The following MMS22L variants were observed in gnomAD, a reference collection of about 807,000 sequenced individuals.
MMS22L encodes the protein protein MMS22-like.
Under a neutral mutation model 159.1 loss-of-function variants are expected in MMS22L, and 74 were observed. That is an observed-to-expected ratio of 0.47 (90% CI 0.39 to 0.56). The LOEUF (loss-of-function observed/expected upper bound fraction) is 0.56. Among genes scored for constraint, MMS22L ranks in the 20% least tolerant of loss-of-function variants. The pLI, the probability that MMS22L is intolerant of heterozygous loss-of-function variation, is 0.00. For synonymous variants in MMS22L, 517 were observed against 506.9 expected (o/e 1.02, Z -0.27); for missense variants, 1,351 against 1,422.1 (o/e 0.95, Z 0.80).
Position 97,217,203 on chromosome 6 carries a change from G to C in MMS22L, c.2039+11691C>G, listed in dbSNP as rs1020217062. On this transcript the variant is annotated intron_variant, in intron 14 of 24. Transcript: ENST00000683635. ...TATTCTATGCTTCTTGAAAGTAGGA[G>C]TAATCTTGTAAAAAATCTAATATAT... Among the ~76,000 whole-genome samples the C allele has an allele frequency of 2.0e-5, 3 of 152,096 alleles. No individual in the cohort carries two copies. In the East Asian group the frequency reaches 5.8e-4, roughly 29 times the overall value.
At chr6:97,163,670 T>A (rs1347364550) in intron 21 of MMS22L, among the ~76,000 whole-genome samples, 1 of 152,032 alleles carries the variant, frequency 6.6e-6, no homozygotes, top group Non-Finnish European at 1.5e-5. Context: ...CAGATACAAG[T>A]AAGGCAAAAC....
intron 14 of MMS22L, among the ~76,000 whole-genome samples, chr6:97,223,975 T>C (rs184090019): frequency 1.3e-5 from 2 of 152,358 alleles, no homozygotes; most frequent in East Asian, 1.9e-4. Flanking sequence ...TTGGGCAATA[T>C]AAGCTGAACA....
At chr6:97,277,826 C>A (rs2128100341) in intron 4 of MMS22L, among the ~76,000 whole-genome samples, 1 of 152,262 alleles carries the variant, frequency 6.6e-6, no homozygotes, top group South Asian at 2.1e-4. Context: ...CCAGCTTTTC[C>A]TTGTAATGTG....
At chr6:97,177,363 G>A (rs531339496) in intron 18 of MMS22L, among the ~76,000 whole-genome samples, 5 of 152,168 alleles carry the variant, frequency 3.3e-5, no homozygotes, top group African/African-American at 1.2e-4. Flanking sequence ...CTTTGTGTAT[G>A]TCTTATATCC....
intron 21 of MMS22L, among the ~76,000 whole-genome samples, chr6:97,164,626 TA>T (rs1196000736): frequency 6.6e-6 from 1 of 152,096 alleles, no homozygotes; most frequent in Non-Finnish European, 1.5e-5. Flanking sequence ...TACTGTATTT[TA>T]TTTTTTTGAG....
At position 97,193,354 on chromosome 6, in the gene MMS22L, G is replaced by A. The variant is rs9488226; in HGVS notation, c.2040-6664C>T. Among the ~76,000 whole-genome samples, 857 of 152,230 alleles carry A rather than the reference G, an allele frequency of 5.6e-3. 11 individuals carry two copies. The highest frequency in any genetic ancestry group is 0.019 in the African/African-American group (781 of 41,536). On this transcript the variant is annotated intron_variant, in intron 14 of 24. Coordinates refer to ENST00000683635, the MANE Select transcript of MMS22L (RefSeq NM_001350599.2). ...TTACATACAATAAAAGGGGTGAAGT[G>A]CCTAAAATGAAGTTGCTTGCCTGTG...
intron 9 of MMS22L, chr6:97,259,789 A>T (rs1229341226): frequency 6.6e-6 from 1 of 152,036 alleles, no homozygotes; most frequent in African/African-American, 2.4e-5. Flanking sequence ...CAGATATACC[A>T]TGGTTTGTTC....
intron 11 of MMS22L, among the ~76,000 whole-genome samples, chr6:97,238,117 C>G (rs1370492063): frequency 6.6e-6 from 1 of 152,194 alleles, no homozygotes; most frequent in Non-Finnish European, 1.5e-5. Flanking sequence ...TGAACCTGGA[C>G]AAGTTCTTCA....
At chr6:97,219,819 T>C (rs1184073827) in intron 14 of MMS22L, among the ~76,000 whole-genome samples, 1 of 152,218 alleles carries the variant, frequency 6.6e-6, no homozygotes, top group Non-Finnish European at 1.5e-5. Context: ...GTCTCCTGCC[T>C]GGAATACTGG....
chr6:97,232,909 T>C (rs1811017764), intron 12 of MMS22L, among the ~76,000 whole-genome samples: 1 of 152,100 alleles, frequency 6.6e-6, no homozygotes, highest in South Asian at 2.1e-4. Context: ...AAAGTATAAA[T>C]CCTTTAAATC....
At chr6:97,263,030 G>T (rs557784853) in intron 9 of MMS22L, among the ~76,000 whole-genome samples, 10 of 151,862 alleles carry the variant, frequency 6.6e-5, no homozygotes, top group Non-Finnish European at 1.3e-4. Flanking sequence ...ATGTTTTCTA[G>T]GTTACTAATG....
At chr6:97,233,098 C>A (rs1223433798) in intron 12 of MMS22L, among the ~76,000 whole-genome samples, 1 of 151,854 alleles carries the variant, frequency 6.6e-6, no homozygotes, top group Non-Finnish European at 1.5e-5. Flanking sequence ...CAAACACATA[C>A]CTAAGTCACA....
intron 14 of MMS22L, among the ~76,000 whole-genome samples, chr6:97,192,771 T>C (rs903269110): frequency 6.6e-6 from 1 of 152,222 alleles, no homozygotes; most frequent in Non-Finnish European, 1.5e-5. Flanking sequence ...AATTAAAAAC[T>C]GTTTAATGAT....
At chr6:97,243,655 C>T (rs1013129056) in intron 11 of MMS22L, among the ~76,000 whole-genome samples, 2 of 151,894 alleles carry the variant, frequency 1.3e-5, no homozygotes, top group Admixed American at 6.6e-5. Flanking sequence ...TGATAAAGAA[C>T]CTTGTTTTGT....
At chr6:97,283,227 G>C (rs1475232851), upstream of MMS22L, 1 of 152,270 alleles carries the variant, frequency 6.6e-6, no homozygotes, top group African/African-American at 2.4e-5. Context: ...GCGGGGCCAC[G>C]GCGCAGCCCT....
chr6:97,208,518 G>C (rs973141068), intron 14 of MMS22L, among the ~76,000 whole-genome samples: 3 of 152,018 alleles, frequency 2.0e-5, no homozygotes, highest in Non-Finnish European at 4.4e-5. Context: ...GGGCAAACAA[G>C]AAGGACAACA....
At chr6:97,166,775 T>C (rs1352171146) in intron 20 of MMS22L, among the ~76,000 whole-genome samples, 2 of 152,138 alleles carry the variant, frequency 1.3e-5, no homozygotes, top group Non-Finnish European at 2.9e-5. Flanking sequence ...GAGGACCACA[T>C]GGAAGAAATA....
chr6:97,281,095 T>C (rs1816718336), intron 3 of MMS22L, 142 bp downstream of exon 3: 1 of 723,058 alleles, frequency 1.4e-6, no homozygotes, highest in Non-Finnish European at 2.1e-6. Context: ...TGCTTGATTA[T>C]TGTTACTGGT....
chr6:97,204,185 CAAAGTGTTCCA>C (rs1218538450), intron 14 of MMS22L, among the ~76,000 whole-genome samples: 3 of 152,118 alleles, frequency 2.0e-5, no homozygotes, highest in Non-Finnish European at 4.4e-5. Context: ...ATAAAATTTT[CAAAGTGTTCCA>C]AACTGACATT....
Sources: allele counts gnomAD v4.1 joint callset (sites outside exome capture counted in the v4.1 genomes callset), GRCh38; gene constraint gnomAD v4.1.1; transcripts MANE v1.5; gene names NCBI Gene and HGNC (gene_info 2026-07-23, HGNC 2026-07-21).